The following TMEM161B variants were observed in gnomAD, a reference collection of about 807,000 sequenced individuals.
The protein encoded by TMEM161B is transmembrane protein 161B.
In TMEM161B, 34 loss-of-function variants were observed where a neutral mutation model predicts 61.8. That is an observed-to-expected ratio of 0.55 (90% CI 0.42 to 0.73). The LOEUF (loss-of-function observed/expected upper bound fraction) is 0.73. Ranked by LOEUF, TMEM161B falls within the 30% of genes least tolerant of loss-of-function variation. TMEM161B has a pLI of 0.00. For missense variants in TMEM161B, 456 were observed against 558.5 expected (o/e 0.82, Z 1.85); for synonymous variants, 167 against 192.8 (o/e 0.87, Z 1.11).
intron 1 of TMEM161B, among the ~76,000 whole-genome samples, chr5:88,261,596 G>A (rs1755685500): frequency 6.7e-6 from 1 of 149,704 alleles, no homozygotes; most frequent in Non-Finnish European, 1.5e-5. Context: ...CAACAGAATA[G>A]AATAGAGGGG....
At chr5:88,188,244 A>G (rs994052922), downstream of TMEM161B, among the ~76,000 whole-genome samples, 1 of 150,572 alleles carries the variant, frequency 6.6e-6, no homozygotes, top group Non-Finnish European at 1.5e-5. Flanking sequence ...ATCTGGGATT[A>G]CAGGTGTGTA....
rs780121275 is a variant in TMEM161B, at chr5:88,196,387, C to T, written c.1288G>A (p.Gly430Arg). The change falls in exon 12 of 12, where the codon GGG (glycine) becomes AGG (arginine). Residue 430 changes from glycine to arginine, a missense_variant. Coordinates refer to ENST00000296595, the MANE Select transcript of TMEM161B (RefSeq NM_153354.5). ...SVYSELPSAE[G>R]KMKVTVTQIT... ...TGTGTAACAGTTACCTTCATTTTCC[C>T]TTCAGCTGATGGTAATTCAGAGTAA... 13 of 1,613,182 alleles carry T rather than the reference C, an allele frequency of 8.1e-6. No individual in the cohort carries two copies. The highest frequency in any genetic ancestry group is 1.1e-5 in the South Asian group (1 of 91,060).
chr5:88,245,886 T>C (rs1753541118), intron 1 of TMEM161B, among the ~76,000 whole-genome samples: 1 of 152,010 alleles, frequency 6.6e-6, no homozygotes, highest in Non-Finnish European at 1.5e-5. Flanking sequence ...ACTAGCTTTC[T>C]GTAATAATCC....
At chr5:88,239,413 T>A (rs1752380721) in intron 2 of TMEM161B, among the ~76,000 whole-genome samples, 1 of 151,994 alleles carries the variant, frequency 6.6e-6, no homozygotes, top group Admixed American at 6.6e-5. Flanking sequence ...TTACTTCAAA[T>A]TAATGATAAT....
chr5:88,232,379 T>A lies in TMEM161B; in HGVS notation c.108-3851A>T, dbSNP rs537262329. On this transcript the variant is annotated intron_variant, in intron 2 of 11. Transcript: ENST00000296595. ...AAACAAAATCCACAAATAATGAAGA[T>A]GAGTGCATAACATTTAGAAGAACAC... Among the ~76,000 whole-genome samples the A allele has an allele frequency of 5.9e-5, 9 of 152,244 alleles. No homozygotes were observed. In the East Asian group the frequency reaches 1.7e-3, roughly 29 times the overall value.
chr5:88,225,892 A>T, intron 3 of TMEM161B, 26 bp from the exon 4 acceptor site: 1 of 1,468,230 alleles, frequency 6.8e-7, no homozygotes, highest in Non-Finnish European at 9.4e-7. Flanking sequence ...AAGTGACACA[A>T]AAAACAAGTT....
chr5:88,257,292 A>G (rs887199719), intron 1 of TMEM161B, among the ~76,000 whole-genome samples: 5 of 152,158 alleles, frequency 3.3e-5, no homozygotes, highest in Admixed American at 6.5e-5. Flanking sequence ...AAAACAAAAC[A>G]AAACAAAAAC....
intron 6 of TMEM161B, 58 bp downstream of exon 6, chr5:88,206,970 CA>C: frequency 6.0e-6 from 9 of 1,503,566 alleles, no homozygotes; most frequent in Non-Finnish European, 8.2e-6. Context: ...ATACTGAAGT[CA>C]AAAATATTAA....
chr5:88,254,665 C>G (rs1754744850), intron 1 of TMEM161B, among the ~76,000 whole-genome samples: 2 of 151,832 alleles, frequency 1.3e-5, no homozygotes, highest in South Asian at 4.2e-4. Flanking sequence ...AGCGAGACAC[C>G]CTTCTACCAA....
rs772703529 is a variant in TMEM161B, at chr5:88,206,422, A to G, written c.659+17T>C. On this transcript the variant is annotated intron_variant, in intron 7 of 11. Transcript: ENST00000296595. Reference sequence around the variant, plus strand: ...AAAGGTTAAATTTAAATAATGCTTAATTTTTCAAAAACTTACTGAGATTCT... The same window carrying G: ...AAAGGTTAAATTTAAATAATGCTTAGTTTTTCAAAAACTTACTGAGATTCT... 3 of 1,578,334 alleles carry G rather than the reference A, an allele frequency of 1.9e-6. No individual in the cohort carries two copies. The highest frequency in any genetic ancestry group is 2.3e-5 in the South Asian group (2 of 85,396).
At position 88,207,077 on chromosome 5, in the gene TMEM161B, C is replaced by T. The variant is rs374808434; in HGVS notation, c.550G>A (p.Ala184Thr). 3.7e-6 allele frequency: 6 copies of T among 1,612,594 alleles called. No homozygotes were observed. The African/African-American group carries it at 5.3e-5, about 14-fold the overall frequency. ...TAATTTTCTGTTACAATCAACACTG[C>T]CATTGCTTTGACAAAGAAAAAAAAT... ...FGFFFFVKAMAVLIVTENYLE... is the reference protein window; with the variant it reads ...FGFFFFVKAMTVLIVTENYLE... The change falls in exon 6 of 12, where the codon GCA (alanine) becomes ACA (threonine). Residue 184 changes from alanine (A) to threonine (T), a missense_variant. Ala to Thr is a moderately conservative substitution (Grantham distance 58, BLOSUM62 0). Transcript: ENST00000296595.
rs1746955517 is a variant in TMEM161B at position 88,212,241 on chromosome 5, A to G, written c.447-5061T>C. Among the ~76,000 whole-genome samples, 5 of 152,218 alleles carry G rather than the reference A, an allele frequency of 3.3e-5. No individual in the cohort carries two copies. In the South Asian group the frequency reaches 1.0e-3, roughly 31 times the overall value. On this transcript the variant is annotated intron_variant, in intron 5 of 11. Transcript: ENST00000296595. ...AACAGAAAGAGTATAAAATTAAAAC[A>G]CTTTCAAAACTGCAAAGTCTAAAAA... is the stretch of plus-strand genomic sequence containing the variant.
intron 8 of TMEM161B, 31 bp from the exon 9 acceptor site, chr5:88,203,106 T>C (rs758515034): frequency 7.3e-7 from 1 of 1,369,786 alleles, no homozygotes; most frequent in Admixed American, 1.8e-5. Context: ...AATATAAAAA[T>C]TCAGAAACAG....
intron 1 of TMEM161B, among the ~76,000 whole-genome samples, chr5:88,259,551 G>A (rs1385498731): frequency 1.3e-5 from 2 of 152,178 alleles, no homozygotes; most frequent in African/African-American, 4.8e-5. Context: ...ACTCATCAGT[G>A]TTACTAGAAG....
rs357515 is a variant in TMEM161B at position 88,206,508 on chromosome 5, G to A, written c.599-9C>T. On this transcript the variant is annotated splice_polypyrimidine_tract_variant and intron_variant, in intron 6 of 11. Coordinates refer to ENST00000296595, the MANE Select transcript of TMEM161B (RefSeq NM_153354.5). Reference sequence around the variant, plus strand: ...TGAAAAATTTGTAAACCCTGTGGGGGAAAAAAAAAAAAACAACAGATTACT... The same window carrying A: ...TGAAAAATTTGTAAACCCTGTGGGGAAAAAAAAAAAAAACAACAGATTACT... The A allele has an allele frequency of 0.74, 965,037 of 1,299,246 alleles. 334,104 individuals are homozygous for A. The highest frequency in any genetic ancestry group is 0.75 in the Non-Finnish European group (720,297 of 956,492). The allele number at this position is 1,299,246 out of a possible 1,614,324, so 80.5% of individuals were successfully genotyped here.
chr5:88,225,642 T>C (rs1749930767), intron 4 of TMEM161B, 127 bp downstream of exon 4: 1 of 541,434 alleles, frequency 1.8e-6, no homozygotes, highest in African/African-American at 2.0e-5. Flanking sequence ...TGAAGTCATT[T>C]GAGCTTCTAA....
intron 1 of TMEM161B, among the ~76,000 whole-genome samples, chr5:88,255,086 C>T (rs1365199622): frequency 6.6e-6 from 1 of 152,118 alleles, no homozygotes. Context: ...GGCAATGTGA[C>T]TAAGAGGTCT....
At chr5:88,206,401 G>T in intron 7 of TMEM161B, 38 bp downstream of exon 7, 3 of 1,479,876 alleles carry the variant, frequency 2.0e-6, no homozygotes, top group African/African-American at 1.4e-5. Context: ...AATAGAAAAG[G>T]TTAAATTTAA....
chr5:88,207,245 A>G, intron 5 of TMEM161B, 65 bp from the exon 6 acceptor site: 2 of 1,411,202 alleles, frequency 1.4e-6, no homozygotes, highest in Non-Finnish European at 1.9e-6. Flanking sequence ...AATGATCTTT[A>G]TAGGACTTGA....
Sources: allele counts gnomAD v4.1 joint callset (sites outside exome capture counted in the v4.1 genomes callset), GRCh38; gene constraint gnomAD v4.1.1; transcripts MANE v1.5; gene names NCBI Gene and HGNC (gene_info 2026-07-23, HGNC 2026-07-21).